GCNT2: variants seen among roughly 807,000 people sequenced by gnomAD.
The protein encoded by GCNT2 is N-acetyllactosaminide beta-1,6-N-acetylglucosaminyl-transferase.
GCNT2 carries 34 observed loss-of-function variants against 34.2 expected under a neutral mutation model. That is an observed-to-expected ratio of 1.00 (90% confidence interval 0.76 to 1.32). The LOEUF is 1.32. Among genes scored for constraint, GCNT2 ranks in the 40% most tolerant of loss-of-function variants. The probability of loss-of-function intolerance (pLI) is 0.00; values close to 1 mark genes in which losing one functional copy is unlikely to be tolerated. For missense variants in GCNT2, 584 were observed against 489.4 expected (o/e 1.19, Z -1.82); for synonymous variants, 212 against 188.0 (o/e 1.13, Z -1.04).
intron 1 of GCNT2, among the ~76,000 whole-genome samples, chr6:10,523,661 G>A (rs1387994375): frequency 6.6e-6 from 1 of 151,898 alleles, no homozygotes; most frequent in East Asian, 1.9e-4. Context: ...GGAGATTGCT[G>A]TTGTCTTGAC....
At chr6:10,610,845 C>G (rs554525870) in intron 3 of GCNT2, among the ~76,000 whole-genome samples, 1 of 152,292 alleles carries the variant, frequency 6.6e-6, no homozygotes, top group South Asian at 2.1e-4. Flanking sequence ...GTTCACATAG[C>G]TTGGTAACGA....
chr6:10,600,675 T>G (rs7741210), intron 3 of GCNT2, among the ~76,000 whole-genome samples: 74,320 of 152,008 alleles, frequency 0.49, 18,869 homozygotes, highest in East Asian at 0.62. Context: ...CGCTGCTGCT[T>G]CTTCTTTCTT....
chr6:10,573,181 A>C (rs762217314), intron 3 of GCNT2: 1 of 982,344 alleles, frequency 1.0e-6, no homozygotes, highest in Non-Finnish European at 1.2e-6. Flanking sequence ...CTCTGGCAGC[A>C]GCTGGATTGT....
At chr6:10,625,330 C>T (rs1482171218) in intron 4 of GCNT2, among the ~76,000 whole-genome samples, 1 of 152,180 alleles carries the variant, frequency 6.6e-6, no homozygotes, top group Non-Finnish European at 1.5e-5. Flanking sequence ...TCTTTAAGGA[C>T]TGTCCATACT....
chr6:10,603,879 T>A (rs1242780723), intron 3 of GCNT2, among the ~76,000 whole-genome samples: 1 of 125,148 alleles, frequency 8.0e-6, no homozygotes, highest in East Asian at 2.8e-4. Flanking sequence ...TTGTTTGTTT[T>A]TTGGTTTGTT....
rs571920260 is a variant in GCNT2, at chr6:10,543,000, C to T, written c.925+13164C>T. 3.3e-5 allele frequency among the ~76,000 whole-genome samples: 5 copies of T among 151,016 alleles called. No individual in the cohort carries two copies. In the South Asian group the frequency reaches 6.3e-4, roughly 19 times the overall value. ...TCGGCTCACTGCAACCTCCACCTCC[C>T]GGGTTCAAGCGATTCTCCTACCTCA... On this transcript the variant is annotated intron_variant, in intron 3 of 4. Coordinates refer to ENST00000495262, the MANE Select transcript of GCNT2 (RefSeq NM_145649.5).
intron 3 of GCNT2, among the ~76,000 whole-genome samples, chr6:10,553,622 G>T (rs746159472): frequency 1.3e-5 from 2 of 152,210 alleles, no homozygotes; most frequent in African/African-American, 2.4e-5. Context: ...GGCCGGGCGT[G>T]GTGGCTCACG....
intron 3 of GCNT2, among the ~76,000 whole-genome samples, chr6:10,582,313 G>C (rs13206251): frequency 1.3e-5 from 1 of 79,578 alleles, no homozygotes; most frequent in African/African-American, 6.4e-5. Flanking sequence ...TTAATATATA[G>C]TAATATTAAA....
chr6:10,617,750 C>CTT (rs3064178), intron 3 of GCNT2, among the ~76,000 whole-genome samples: 46 of 101,698 alleles, frequency 4.5e-4, no homozygotes, highest in Non-Finnish European at 6.5e-4. Context: ...TGCATTTCTT[C>CTT]TTTTTTTTTT....
intron 4 of GCNT2, among the ~76,000 whole-genome samples, chr6:10,622,288 G>A (rs938412845): frequency 3.3e-5 from 5 of 152,164 alleles, no homozygotes; most frequent in African/African-American, 1.2e-4. Flanking sequence ...ATAACAAAGT[G>A]GCACAGACTG....
intron 3 of GCNT2, among the ~76,000 whole-genome samples, chr6:10,582,222 T>TAAAA: frequency 1.9e-5 from 2 of 106,236 alleles, no homozygotes; most frequent in African/African-American, 6.8e-5. Flanking sequence ...ATATATATAA[T>TAAAA]TATATATATT....
intron 3 of GCNT2, among the ~76,000 whole-genome samples, chr6:10,532,158 G>A (rs532277190): frequency 4.6e-5 from 7 of 152,176 alleles, no homozygotes; most frequent in South Asian, 4.2e-4. Context: ...GGATTGGACC[G>A]GATGGCCTCC....
In GCNT2 at chr6:10,529,060, A is replaced by T. The variant is rs1327217577; in HGVS notation, c.149A>T (p.His50Leu). ...GCTTCACTGTTAGCAGAAGCCTGTC[A>T]TCAGATTTTTGAGGGGAAAGTTTTT... ...SNASLLAEAC[H>L]QIFEGKVFYP... Residue 50 changes from histidine (H) to leucine (L), a missense_variant, in exon 3 of 5, where the codon CAT becomes CTT. Coordinates refer to ENST00000495262, the MANE Select transcript of GCNT2 (RefSeq NM_145649.5). The T allele has an allele frequency of 8.7e-6, 14 of 1,614,172 alleles. No individual in the cohort carries two copies. The highest frequency in any genetic ancestry group is 1.2e-5 in the Non-Finnish European group (14 of 1,180,016).
At chr6:10,617,348 C>T (rs567598978) in intron 3 of GCNT2, among the ~76,000 whole-genome samples, 5 of 152,200 alleles carry the variant, frequency 3.3e-5, no homozygotes, top group Non-Finnish European at 5.9e-5. Context: ...CCGGAACTCA[C>T]GCTGGCCGGC....
At chr6:10,554,468 A>G (rs1372572641) in intron 3 of GCNT2, among the ~76,000 whole-genome samples, 1 of 152,160 alleles carries the variant, frequency 6.6e-6, no homozygotes, top group Non-Finnish European at 1.5e-5. Flanking sequence ...CCAAACCCCC[A>G]TGTTATTGGC....
chr6:10,569,861 C>CTTTCTTTCTTTTTTCTCTTTCTT (rs1763467492), intron 3 of GCNT2, among the ~76,000 whole-genome samples: 2 of 114,744 alleles, frequency 1.7e-5, no homozygotes, highest in African/African-American at 5.5e-5. Flanking sequence ...CTTTCTTTCT[C>CTTTCTTTCTTTTTTCTCTTTCTT]TTTCTTTCTT....
intron 3 of GCNT2, among the ~76,000 whole-genome samples, chr6:10,613,219 A>C (rs879308174): frequency 6.6e-6 from 1 of 152,236 alleles, no homozygotes; most frequent in Non-Finnish European, 1.5e-5. Flanking sequence ...ATCATGTTTA[A>C]CAAACGCAGT....
chr6:10,604,041 G>A (rs966598982), intron 3 of GCNT2, among the ~76,000 whole-genome samples: 18 of 151,842 alleles, frequency 1.2e-4, no homozygotes, highest in South Asian at 1.0e-3. Context: ...GATTACAGGC[G>A]CACGCCACCA....
chr6:10,607,583 A>G (rs1462761639), intron 3 of GCNT2, among the ~76,000 whole-genome samples: 1 of 152,158 alleles, frequency 6.6e-6, no homozygotes, highest in Non-Finnish European at 1.5e-5. Context: ...ACCTAACAGT[A>G]TGTCATGGCT....
Sources: allele counts gnomAD v4.1 joint callset (sites outside exome capture counted in the v4.1 genomes callset), GRCh38; gene constraint gnomAD v4.1.1; transcripts MANE v1.5; gene names NCBI Gene and HGNC (gene_info 2026-07-23, HGNC 2026-07-21).